The following CFAP46 variants were observed in gnomAD, a reference collection of about 807,000 sequenced individuals.
The protein encoded by CFAP46 is cilia and flagella associated protein 46, also known as cilia- and flagella-associated protein 46.
A neutral mutation model predicts 325.7 loss-of-function variants in CFAP46; 245 were observed. The ratio of observed to expected loss-of-function variants is 0.75; its 90% CI spans 0.68 to 0.84. The LOEUF is 0.84. Ranked by LOEUF, CFAP46 falls within the 40% of genes least tolerant of loss-of-function variation. The pLI, the probability that CFAP46 is intolerant of heterozygous loss-of-function variation, is 0.00. For synonymous variants in CFAP46, 1,523 were observed against 1,495.9 expected, an observed-to-expected ratio of 1.02 and a Z score of -0.42; for missense variants, 3,346 against 3,543.0, an observed-to-expected ratio of 0.94 and a Z score of 1.41.
rs1591067300 is a variant in CFAP46 at position 132,877,855 on chromosome 10, C to T, written c.4212+26G>A. Reference sequence around the variant, plus strand: ...GCACAGGCCATCCTGGGCCCGGCCTCTGCACCGTGGCCACTTGGGCATCAC... The same window carrying T: ...GCACAGGCCATCCTGGGCCCGGCCTTTGCACCGTGGCCACTTGGGCATCAC... On this transcript the variant is annotated intron_variant, in intron 30 of 57. Coordinates refer to ENST00000368586, the MANE Select transcript of CFAP46 (RefSeq NM_001200049.3). The surrounding 1 kb of genome is among the most constrained non-coding windows in gnomAD (Gnocchi z 5.7). The T allele has an allele frequency of 6.5e-7, 1 of 1,548,302 alleles. No individual in the cohort carries two copies. The highest frequency in any genetic ancestry group is 1.4e-5 in the African/African-American group (1 of 73,056).
In CFAP46 at chr10:132,942,519, G is replaced by A. The variant is rs955157579; in HGVS notation, c.-35C>T. On this transcript the variant is annotated 5_prime_UTR_variant, in exon 1 of 58. Transcript: ENST00000368586. Reference sequence around the variant, plus strand: ...GCCCTGCTCGTCCGCTCTCTCCGGGGTCCGCGGTGCGTCCTGCCGCCCACT... The same window carrying A: ...GCCCTGCTCGTCCGCTCTCTCCGGGATCCGCGGTGCGTCCTGCCGCCCACT... The A allele has an allele frequency of 4.8e-6, 6 of 1,257,724 alleles. No individual in the cohort carries two copies. Among genetic ancestry groups the A allele is most frequent in the Non-Finnish European group, 6.0e-6 (6 of 1,001,998 alleles). 77.9% of individuals were successfully genotyped at this position (1,257,724 alleles called of 1,614,324 possible).
intron 55 of CFAP46, 99 bp from the exon 56 acceptor site, chr10:132,811,130 G>A: frequency 9.7e-7 from 1 of 1,025,644 alleles, no homozygotes; most frequent in Non-Finnish European, 1.5e-6. Context: ...GGCGCAGCAG[G>A]GCATGGCACG....
chr10:132,823,819 G>GTGC, intron 50 of CFAP46, among the ~76,000 whole-genome samples: 2 of 139,976 alleles, frequency 1.4e-5, no homozygotes, highest in Non-Finnish European at 3.1e-5. Flanking sequence ...TGTGCTGTGT[G>GTGC]AGTGCTGATG....
chr10:132,919,586 G>A lies in CFAP46; in HGVS notation c.1731-144C>T. On this transcript the variant is annotated intron_variant, in intron 14 of 57. Transcript: ENST00000368586. The surrounding 1 kb of genome is among the most constrained non-coding windows in gnomAD (Gnocchi z 9.7). ...GGCAAGGAGCCCGGCACTCGCGCTG[G>A]GTACGGCCTGGCGGGTGCATGTCCC... The A allele has an allele frequency of 9.0e-7, 1 of 1,116,220 alleles. No homozygotes were observed. Among genetic ancestry groups the A allele is most frequent in the South Asian group, 1.6e-5 (1 of 62,042 alleles). 69.1% of individuals were successfully genotyped at this position (1,116,220 alleles called of 1,614,324 possible).
chr10:132,887,108 C>T (rs1257563397), intron 25 of CFAP46, among the ~76,000 whole-genome samples: 1 of 137,978 alleles, frequency 7.2e-6, no homozygotes, highest in Non-Finnish European at 1.5e-5. Flanking sequence ...CCTCTCTCCT[C>T]TTTCACCTCT....
chr10:132,823,291 G>A lies in CFAP46; in HGVS notation c.7118-8377C>T, dbSNP rs370784133. ...AGTGCTGATGTGTGCTGTGTGTGCT[G>A]TGTGTTGTGTGTGCTGTGTGAGTGC... On this transcript the variant is annotated intron_variant, in intron 50 of 57. Coordinates refer to ENST00000368586, the MANE Select transcript of CFAP46 (RefSeq NM_001200049.3). Among the ~76,000 whole-genome samples, 726 of 115,132 alleles carry A rather than the reference G, an allele frequency of 6.3e-3. 3 individuals are homozygous for A. The highest frequency in any genetic ancestry group is 0.013 in the Middle Eastern group (2 of 156). 75.5% of individuals were successfully genotyped at this position (115,132 alleles called of 152,430 possible). A position where few individuals can be genotyped will look rare whatever the true frequency, so the allele number is the denominator to read the frequency against.
intron 4 of CFAP46, among the ~76,000 whole-genome samples, chr10:132,939,000 G>A (rs953382772): frequency 2.6e-5 from 4 of 152,170 alleles, no homozygotes; most frequent in East Asian, 1.9e-4. Flanking sequence ...GCGCAGGCCC[G>A]GCTGTGATGA....
intron 41 of CFAP46, among the ~76,000 whole-genome samples, chr10:132,848,183 A>G (rs934426537): frequency 3.9e-5 from 6 of 152,248 alleles, no homozygotes; most frequent in Admixed American, 6.5e-5. Flanking sequence ...TCAGTCATGA[A>G]AATAGACCCG....
At chr10:132,840,463 CT>C (rs1848330644) in intron 44 of CFAP46, among the ~76,000 whole-genome samples, 1 of 152,196 alleles carries the variant, frequency 6.6e-6, no homozygotes, top group Non-Finnish European at 1.5e-5. Flanking sequence ...GATTTGTCCT[CT>C]TTCATTTTTC....
intron 39 of CFAP46, among the ~76,000 whole-genome samples, chr10:132,853,993 T>C (rs1401226119): frequency 6.6e-6 from 1 of 152,196 alleles, no homozygotes; most frequent in Non-Finnish European, 1.5e-5. Context: ...TATTTTTCTG[T>C]TTTCTATTTC....
chr10:132,849,889 C>T (rs370058464), intron 41 of CFAP46, among the ~76,000 whole-genome samples: 17 of 152,204 alleles, frequency 1.1e-4, no homozygotes, highest in Admixed American at 6.5e-4. Context: ...CGGGGCCTGG[C>T]CAGAGCCGCT....
In CFAP46 at chr10:132,941,969, G is replaced by A; in HGVS notation, c.174+11C>T. ...AAGCTGCCCTGACCGAGGATCCCGGGAACTAGTTACCTTCAGGGCCTGCTC... is the reference window on the plus strand; with the variant it reads ...AAGCTGCCCTGACCGAGGATCCCGGAAACTAGTTACCTTCAGGGCCTGCTC... On this transcript the variant is annotated intron_variant, in intron 2 of 57. Coordinates refer to ENST00000368586, the MANE Select transcript of CFAP46 (RefSeq NM_001200049.3). 6.4e-7 allele frequency: 1 copy of A among 1,551,546 alleles called. No homozygotes were observed. Among genetic ancestry groups the A allele is most frequent in the Non-Finnish European group, 8.7e-7 (1 of 1,146,928 alleles).
chr10:132,869,255 A>G lies in CFAP46; in HGVS notation c.4610+19T>C. ...GCGAGACTCAAACCCCAGGCGGCGC[A>G]GGGTGGGACGGCACACACCTGGCCT... is the stretch of plus-strand genomic sequence containing the variant. On this transcript the variant is annotated intron_variant, in intron 33 of 57. Coordinates refer to ENST00000368586, the MANE Select transcript of CFAP46 (RefSeq NM_001200049.3). This position sits in a 1 kb window ranked among gnomAD's most constrained non-coding sequence, Gnocchi z 6.2. 3 of 1,504,928 alleles carry G rather than the reference A, an allele frequency of 2.0e-6. No individual in the cohort carries two copies. The highest frequency in any genetic ancestry group is 2.7e-6 in the Non-Finnish European group (3 of 1,121,762). 93.2% of individuals were successfully genotyped at this position (1,504,928 alleles called of 1,614,324 possible).
At chr10:132,917,922 C>CT (rs979271020) in intron 16 of CFAP46, among the ~76,000 whole-genome samples, 1 of 144,908 alleles carries the variant, frequency 6.9e-6, no homozygotes, top group African/African-American at 2.6e-5. Flanking sequence ...GATGAACCCC[C>CT]CTCTCCACGA....
chr10:132,814,037 A>G (rs572385329), intron 54 of CFAP46, 115 bp downstream of exon 54: 15 of 736,240 alleles, frequency 2.0e-5, no homozygotes, highest in Non-Finnish European at 2.6e-5. Context: ...TGCATGCTGT[A>G]TGTGGCAGGA....
intron 24 of CFAP46, chr10:132,898,625 G>A (rs1438306720): frequency 5.2e-6 from 2 of 385,084 alleles, no homozygotes; most frequent in Non-Finnish European, 1.0e-5. Flanking sequence ...CATGGCAGGT[G>A]GGGCCTGTCC....
At chr10:132,911,077 C>T (rs1386713264) in intron 19 of CFAP46, among the ~76,000 whole-genome samples, 3 of 152,210 alleles carry the variant, frequency 2.0e-5, no homozygotes, top group Non-Finnish European at 2.9e-5. Context: ...AGCTGCCTCC[C>T]AGGGCCCACA....
chr10:132,934,671 A>AT (rs1166013517), intron 8 of CFAP46, 81 bp downstream of exon 8: 14 of 1,003,996 alleles, frequency 1.4e-5, no homozygotes, highest in Non-Finnish European at 2.1e-5. Flanking sequence ...CTTGTTTTAC[A>AT]TTTTTTCACA....
rs1847656298 is a variant in CFAP46, at chr10:132,814,692, A to C, written c.7243T>G (p.Phe2415Val). ...GGGGCCCATCAAAGGATACACTTGAAGTTGTCTGAGTCGACTATGATGCAG... is the reference window on the plus strand; with the variant it reads ...GGGGCCCATCAAAGGATACACTTGACGTTGTCTGAGTCGACTATGATGCAG... ...PDCIIVDSDN[F>V]KFVVDPYEEA... is the part of the protein sequence containing the mutation. The change falls in exon 52 of 58, where the codon TTC becomes GTC. Residue 2415 changes from phenylalanine (F) to valine (V), a missense_variant. Transcript: ENST00000368586. The C allele has an allele frequency of 6.2e-7, 1 of 1,605,138 alleles. No individual in the cohort carries two copies. The highest frequency in any genetic ancestry group is 1.7e-5 in the Admixed American group (1 of 57,670).
Sources: gnomAD v4.1 joint callset for allele counts (sites outside exome capture counted in the v4.1 genomes callset) on GRCh38, gnomAD v4.1.1 for gene constraint, Gnocchi (gnomAD v3.1) non-coding constraint, MANE v1.5 for transcripts, NCBI Gene and HGNC (gene_info 2026-07-23, HGNC 2026-07-21) for gene names.